Variants in MSI2 observed in about 807,000 individuals in gnomAD.
MSI2 encodes the protein musashi RNA binding protein 2.
Under a neutral mutation model 45.6 loss-of-function variants are expected in MSI2, and 17 were observed. The observed-to-expected ratio is 0.37, with a 90% confidence interval of 0.26 to 0.56. The LOEUF (loss-of-function observed/expected upper bound fraction) is 0.56, where lower values mean the gene tolerates loss of function less well. MSI2 is among the 20% of genes least tolerant of loss of function. The pLI is 0.77. For synonymous variants in MSI2, 156 were observed against 158.2 expected (o/e 0.99, Z 0.11); for missense variants, 293 against 444.2 (o/e 0.66, Z 3.06).
At chr17:57,671,517 G>A (rs751279695) in intron 11 of MSI2, 30 of 152,186 alleles carry the variant, frequency 2.0e-4, no homozygotes, top group African/African-American at 6.5e-4. Flanking sequence ...GGCACCGTTC[G>A]CTTAGAAGGA....
intron 10 of MSI2, among the ~76,000 whole-genome samples, chr17:57,644,478 C>T (rs1054157559): frequency 8.5e-5 from 13 of 152,246 alleles, no homozygotes; most frequent in African/African-American, 3.1e-4. Context: ...CCAGCCCTGT[C>T]GCATCAGGCT....
intron 6 of MSI2, among the ~76,000 whole-genome samples, chr17:57,445,249 G>A (rs2084876115): frequency 6.6e-6 from 1 of 152,188 alleles, no homozygotes; most frequent in Non-Finnish European, 1.5e-5. Context: ...CAAGCCGCGT[G>A]TTTGTGTCTG....
rs1023922804 is a variant in MSI2, at chr17:57,407,744, A to C, written c.405+6273A>C. On this transcript the variant is annotated intron_variant, in intron 6 of 13. Transcript: ENST00000284073. The surrounding 1 kb of genome is among the most constrained non-coding windows in gnomAD (Gnocchi z 4.1). ...GGCTGGACCAGGAAGGACCATGCGC[A>C]CGCTCTTCCCTGGCTGAAGGCTACT... 6.6e-6 allele frequency among the ~76,000 whole-genome samples: 1 copy of C among 152,280 alleles called. No individual in the cohort carries two copies. Among genetic ancestry groups the C allele is most frequent in the South Asian group, 2.1e-4 (1 of 4,824 alleles).
chr17:57,275,559 C>T (rs1325790284), intron 5 of MSI2, among the ~76,000 whole-genome samples: 2 of 152,168 alleles, frequency 1.3e-5, no homozygotes, highest in Non-Finnish European at 1.5e-5. Context: ...GACCTATTGT[C>T]GGGGCTGGGA....
Position 57,617,440 on chromosome 17 carries a change from T to C in MSI2, c.652+1356T>C, listed in dbSNP as rs558541447. ...ACTAAAACAGTATGGTATATGGGAA[T>C]GCACCAGTTGATAGAAAAGGGTAGA... On this transcript the variant is annotated intron_variant, in intron 9 of 13. Coordinates refer to ENST00000284073, the MANE Select transcript of MSI2 (RefSeq NM_138962.4). Among the ~76,000 whole-genome samples, 115 of 152,328 alleles carry C rather than the reference T, an allele frequency of 7.5e-4. No individual in the cohort carries two copies. The South Asian group carries it at 8.7e-3, about 12-fold the overall frequency.
At chr17:57,309,210 A>G (rs568839540) in intron 5 of MSI2, among the ~76,000 whole-genome samples, 9 of 152,350 alleles carry the variant, frequency 5.9e-5, no homozygotes, top group African/African-American at 2.2e-4. Context: ...TAGATCATCT[A>G]TTCTACTGGG....
intron 6 of MSI2, among the ~76,000 whole-genome samples, chr17:57,496,798 A>G (rs908489596): frequency 3.9e-5 from 6 of 152,250 alleles, no homozygotes; most frequent in African/African-American, 1.4e-4. Context: ...AAATGCTGTT[A>G]GATTTATAGG....
At chr17:57,432,159 C>T (rs2084608295) in intron 6 of MSI2, among the ~76,000 whole-genome samples, 1 of 152,172 alleles carries the variant, frequency 6.6e-6, no homozygotes, top group African/African-American at 2.4e-5. Context: ...TTACCAGGCA[C>T]TTAATGTGGC....
chr17:57,505,017 G>T (rs1271753700), intron 6 of MSI2, among the ~76,000 whole-genome samples: 1 of 152,124 alleles, frequency 6.6e-6, no homozygotes, highest in Non-Finnish European at 1.5e-5. Flanking sequence ...GGATGGGGTA[G>T]CTTGGAAGAC....
rs1030320288 is a variant in MSI2, at chr17:57,596,207, A to C, written c.455-661A>C. On this transcript the variant is annotated intron_variant, in intron 7 of 13. Transcript: ENST00000284073. The surrounding 1 kb of genome is among the most constrained non-coding windows in gnomAD (Gnocchi z 4.6). ...GTCGCCTGCCAAAATTCTTCAGTGC[A>C]GCTTGTCTAGCAAAGCCGGTCTCCA... 1.3e-5 allele frequency among the ~76,000 whole-genome samples: 2 copies of C among 152,236 alleles called. No homozygotes were observed. Among genetic ancestry groups the C allele is most frequent in the Non-Finnish European group, 2.9e-5 (2 of 68,038 alleles).
chr17:57,430,900 A>G (rs1334399795), intron 6 of MSI2, among the ~76,000 whole-genome samples: 2 of 152,200 alleles, frequency 1.3e-5, no homozygotes, highest in East Asian at 1.9e-4. Context: ...TAGAATCTGC[A>G]TTGGCTGTCC....
chr17:57,258,305 G>C lies in MSI2; in HGVS notation c.221G>C (p.Ser74Thr), dbSNP rs1417072427. 2 of 1,614,108 alleles carry C rather than the reference G, an allele frequency of 1.2e-6. No individual in the cohort carries two copies. The highest frequency in any genetic ancestry group is 2.2e-5 in the South Asian group (2 of 91,094). The change falls in exon 4 of 14, where the codon AGT becomes ACT. Residue 74 changes from serine (S) to threonine (T), a missense_variant. Physicochemically the swap from Ser to Thr is moderately conservative, Grantham distance 58. Coordinates refer to ENST00000284073, the MANE Select transcript of MSI2 (RefSeq NM_138962.4). ...FGFVTFADPA[S>T]VDKVLGQPHH... Reference sequence around the variant, plus strand: ...TTCGTCACGTTCGCAGACCCAGCAAGTGTAGATAAAGTATTAGGTCAGCCC... The same window carrying C: ...TTCGTCACGTTCGCAGACCCAGCAACTGTAGATAAAGTATTAGGTCAGCCC...
At chr17:57,624,022 T>A (rs1025710970) in intron 9 of MSI2, among the ~76,000 whole-genome samples, 4 of 152,072 alleles carry the variant, frequency 2.6e-5, no homozygotes, top group African/African-American at 2.4e-5. Context: ...CCAGGAAGAG[T>A]GGGGTGAGAC....
Position 57,679,575 on chromosome 17 carries a change from T to A in MSI2, c.*58T>A. ...GCATACCTGGATGTCCAGGCAAGAC[T>A]GGGCGAAGTTTCTGAGTGGCCCTTT... On this transcript the variant is annotated 3_prime_UTR_variant, in exon 14 of 14. Transcript: ENST00000284073. 9.4e-7 allele frequency: 1 copy of A among 1,060,196 alleles called. No individual in the cohort carries two copies. Among genetic ancestry groups the A allele is most frequent in the East Asian group, 5.1e-5 (1 of 19,448 alleles). 65.7% of individuals were successfully genotyped at this position (1,060,196 alleles called of 1,614,324 possible).
At chr17:57,319,460 T>C (rs1030329595) in intron 5 of MSI2, among the ~76,000 whole-genome samples, 1 of 152,218 alleles carries the variant, frequency 6.6e-6, no homozygotes, top group African/African-American at 2.4e-5. Context: ...ATCTTACAAA[T>C]GGATGGCATC....
chr17:57,653,771 A>G (rs1020221410), intron 11 of MSI2, among the ~76,000 whole-genome samples: 1 of 151,900 alleles, frequency 6.6e-6, no homozygotes, highest in Non-Finnish European at 1.5e-5. Flanking sequence ...CCTTGACTTC[A>G]TGGCAAGTTT....
chr17:57,676,261 TGCACGCACAC>T (rs960247111), intron 12 of MSI2, among the ~76,000 whole-genome samples: 12 of 151,776 alleles, frequency 7.9e-5, no homozygotes, highest in African/African-American at 2.2e-4. Flanking sequence ...CACACAGACA[TGCACGCACAC>T]GCACGCACAC....
intron 7 of MSI2, among the ~76,000 whole-genome samples, chr17:57,590,596 T>C (rs1904736488): frequency 1.3e-5 from 2 of 152,250 alleles, no homozygotes; most frequent in African/African-American, 4.8e-5. Flanking sequence ...CATTTTTAAA[T>C]GCTCCCTGTC....
rs533172538 is a variant in MSI2, at chr17:57,444,657, A to T, written c.405+43186A>T. ...ACTGTGGGCCCATGAGATGACACAG[A>T]TCTTTCCACTAGGCCATCCTGTTTT... On this transcript the variant is annotated intron_variant, in intron 6 of 13. Transcript: ENST00000284073. The T allele has an allele frequency of 4.0e-5, 6 of 151,870 alleles. No individual in the cohort carries two copies. In the East Asian group the frequency reaches 1.2e-3, roughly 29 times the overall value. The allele number at this position is 151,870 out of a possible 1,614,324, so 9.4% of individuals were successfully genotyped here. A position where few individuals can be genotyped will look rare whatever the true frequency, so the allele number is the denominator to read the frequency against.
Sources: gnomAD v4.1 joint callset for allele counts (sites outside exome capture counted in the v4.1 genomes callset) on GRCh38, gnomAD v4.1.1 for gene constraint, Gnocchi (gnomAD v3.1) non-coding constraint, MANE v1.5 for transcripts, NCBI Gene and HGNC (gene_info 2026-07-23, HGNC 2026-07-21) for gene names.